Variants in EMP2 observed in about 807,000 individuals in gnomAD.
The protein encoded by EMP2 is epithelial membrane protein 2.
EMP2 carries 19 observed loss-of-function variants against 13.7 expected under a neutral mutation model. The ratio of observed to expected loss-of-function variants is 1.38; its 90% CI spans 0.97 to 2.03. The LOEUF is 2.03. EMP2 is among the 30% of genes most tolerant of loss of function. The pLI is 0.00. For missense variants in EMP2, 253 were observed against 220.7 expected, an observed-to-expected ratio of 1.15 and a Z score of -0.93; for synonymous variants, 97 against 84.7, an observed-to-expected ratio of 1.15 and a Z score of -0.80.
intron 1 of EMP2, among the ~76,000 whole-genome samples, chr16:10,578,385 A>G (rs777035064): frequency 2.0e-4 from 31 of 152,238 alleles, no homozygotes; most frequent in Non-Finnish European, 3.5e-4. Flanking sequence ...CGTTCCAGGA[A>G]GAAAGGATTT....
In EMP2 at chr16:10,547,596, T is replaced by C. The variant is rs780528035; in HGVS notation, c.22A>G (p.Ile8Val). The C allele has an allele frequency of 1.8e-5, 29 of 1,613,924 alleles. No homozygotes were observed. Among genetic ancestry groups the C allele is most frequent in the East Asian group, 8.9e-5 (4 of 44,878 alleles). Residue 8 changes from isoleucine to valine, a missense_variant, in exon 2 of 5, where the codon ATC (isoleucine) becomes GTC (valine). Coordinates refer to ENST00000359543, the MANE Select transcript of EMP2 (RefSeq NM_001424.6). MLVLLAF[I>V]IAFHITSAAL... is the part of the protein sequence containing the mutation. ...GCAGAGGTGATGTGGAAGGCGATGATGAAAGCAAGAAGCACCAACATTTTC... is the reference window on the plus strand; with the variant it reads ...GCAGAGGTGATGTGGAAGGCGATGACGAAAGCAAGAAGCACCAACATTTTC...
chr16:10,573,915 G>A (rs752358404), intron 1 of EMP2, among the ~76,000 whole-genome samples: 1 of 147,964 alleles, frequency 6.8e-6, no homozygotes, highest in East Asian at 2.0e-4. Context: ...TTCCATATGG[G>A]TACAATGGAT....
intron 1 of EMP2, among the ~76,000 whole-genome samples, chr16:10,569,393 C>G (rs542535865): frequency 3.5e-4 from 53 of 152,308 alleles, no homozygotes; most frequent in Admixed American, 2.7e-3. Flanking sequence ...AATGCAGTGG[C>G]ATGATCACAG....
chr16:10,548,237 T>C (rs1484050821), intron 1 of EMP2, among the ~76,000 whole-genome samples: 1 of 152,170 alleles, frequency 6.6e-6, no homozygotes, highest in Non-Finnish European at 1.5e-5. Flanking sequence ...TCACGTCTCT[T>C]GGGCAGGAAG....
chr16:10,546,136 A>G (rs1252928612), intron 2 of EMP2: 1 of 152,228 alleles, frequency 6.6e-6, no homozygotes, highest in Non-Finnish European at 1.5e-5. Context: ...ATGAGATGAC[A>G]TGCATAAAAG....
intron 1 of EMP2, among the ~76,000 whole-genome samples, chr16:10,562,621 C>G (rs2050880845): frequency 6.6e-6 from 1 of 152,104 alleles, no homozygotes; most frequent in Non-Finnish European, 1.5e-5. Flanking sequence ...TCTATAGAAT[C>G]ATGAACAAAA....
rs34979037 is a variant in EMP2 at position 10,537,760 on chromosome 16, CCACACA to C, written c.316+162_316+167del. ...CCACTGTGGTACAGCATGCATGCGC[CCACACA>C]CACACACACACACACGCAAACACAC... On this transcript the variant is annotated intron_variant, in intron 4 of 4. Transcript: ENST00000359543. Among the ~76,000 whole-genome samples the C allele has an allele frequency of 3.6e-3, 539 of 149,278 alleles. 8 individuals are homozygous for C. Among genetic ancestry groups the C allele is most frequent in the African/African-American group, 0.011 (437 of 40,684 alleles).
At chr16:10,574,583 G>T (rs2050969633) in intron 1 of EMP2, among the ~76,000 whole-genome samples, 1 of 151,618 alleles carries the variant, frequency 6.6e-6, no homozygotes, top group Non-Finnish European at 1.5e-5. Context: ...TTTTGAGATG[G>T]AGTCTCGCTC....
intron 3 of EMP2, among the ~76,000 whole-genome samples, chr16:10,540,463 G>T (rs962452620): frequency 4.0e-5 from 6 of 151,764 alleles, no homozygotes; most frequent in African/African-American, 1.5e-4. Context: ...CAGAGATTGC[G>T]CCACTGCACT....
At chr16:10,575,157 C>A (rs1344333695) in intron 1 of EMP2, among the ~76,000 whole-genome samples, 1 of 150,150 alleles carries the variant, frequency 6.7e-6, no homozygotes, top group Non-Finnish European at 1.5e-5. Flanking sequence ...ACACTACAGG[C>A]TTAAGGAAAC....
intron 1 of EMP2, among the ~76,000 whole-genome samples, chr16:10,564,836 A>G (rs2050896566): frequency 6.6e-6 from 1 of 152,156 alleles, no homozygotes; most frequent in African/African-American, 2.4e-5. Flanking sequence ...AGCAACGCTT[A>G]TGTCGACATT....
At position 10,532,332 on chromosome 16, in the gene EMP2, G is replaced by A. The variant is rs2047923; in HGVS notation, c.*573C>T. The A allele has an allele frequency of 0.11, 16,972 of 152,914 alleles. 1,081 individuals carry two copies. Among genetic ancestry groups the A allele is most frequent in the South Asian group, 0.29 (1,411 of 4,828 alleles). The allele number at this position is 152,914 out of a possible 1,614,324, so 9.5% of individuals were successfully genotyped here. On this transcript the variant is annotated 3_prime_UTR_variant, in exon 5 of 5. Coordinates refer to ENST00000359543, the MANE Select transcript of EMP2 (RefSeq NM_001424.6). ...GGTGAGACTTTTTCTGACCCACCCC[G>A]ATACCGGAGGGATGGCTGGGCTCTG...
intron 3 of EMP2, among the ~76,000 whole-genome samples, chr16:10,543,074 G>A (rs139806422): frequency 1.3e-5 from 2 of 152,190 alleles, no homozygotes; most frequent in Non-Finnish European, 1.5e-5. Flanking sequence ...TCAAACTCCT[G>A]ACCTCAAGTG....
Position 10,531,975 on chromosome 16 carries a change from C to T in EMP2, c.*930G>A, listed in dbSNP as rs1220258747. Reference sequence around the variant, plus strand: ...GGAGTTTTGGGGCCCTAGATGTAGACAGCTGTGGCGATGGAGGCCAAGGTT... The same window carrying T: ...GGAGTTTTGGGGCCCTAGATGTAGATAGCTGTGGCGATGGAGGCCAAGGTT... On this transcript the variant is annotated 3_prime_UTR_variant, in exon 5 of 5. Transcript: ENST00000359543. 1 of 154,790 alleles carries T rather than the reference C, an allele frequency of 6.5e-6. No homozygotes were observed. The highest frequency in any genetic ancestry group is 2.4e-5 in the African/African-American group (1 of 41,484). 9.6% of individuals were successfully genotyped at this position (154,790 alleles called of 1,614,324 possible).
chr16:10,532,619 G>C lies in EMP2; in HGVS notation c.*286C>G. On this transcript the variant is annotated 3_prime_UTR_variant, in exon 5 of 5. Coordinates refer to ENST00000359543, the MANE Select transcript of EMP2 (RefSeq NM_001424.6). ...TGTCCTGCCGAGTGCTTTTGGATTTGAGCATTGCTGGATTTTTGCTTGTGT... is the reference window on the plus strand; with the variant it reads ...TGTCCTGCCGAGTGCTTTTGGATTTCAGCATTGCTGGATTTTTGCTTGTGT... The C allele has an allele frequency of 5.0e-6, 1 of 199,756 alleles. No homozygotes were observed. 12.4% of individuals were successfully genotyped at this position (199,756 alleles called of 1,614,324 possible).
At chr16:10,534,818 T>A (rs894406671) in intron 4 of EMP2, among the ~76,000 whole-genome samples, 1 of 152,220 alleles carries the variant, frequency 6.6e-6, no homozygotes, top group African/African-American at 2.4e-5. Flanking sequence ...ACATTAGAGC[T>A]AAGATGAGCT....
intron 1 of EMP2, among the ~76,000 whole-genome samples, chr16:10,564,566 C>G (rs1467407209): frequency 2.0e-5 from 3 of 151,844 alleles, no homozygotes; most frequent in East Asian, 3.9e-4. Flanking sequence ...TATGTGGGCC[C>G]TACCTCCCAG....
intron 1 of EMP2, among the ~76,000 whole-genome samples, chr16:10,574,412 G>A (rs1246814801): frequency 1.3e-5 from 2 of 151,554 alleles, no homozygotes; most frequent in Non-Finnish European, 2.9e-5. Flanking sequence ...GATGTGGAAG[G>A]GAAGCCCACT....
In EMP2 at chr16:10,537,946, T is replaced by C. The variant is rs1452297350; in HGVS notation, c.298A>G (p.Ile100Val). The change falls in exon 4 of 5, where the codon ATC becomes GTC. Residue 100 changes from isoleucine (I) to valine (V), a missense_variant. By Grantham distance (29) the Ile-to-Val change is conservative. Coordinates refer to ENST00000359543, the MANE Select transcript of EMP2 (RefSeq NM_001424.6). ...KQGERFVLTS[I>V]IQLMSCLCVM... ...TACTTACATGACATTAGCTGGATGATGGAGGTTAGGACAAACCTCTCTCCC... is the reference window on the plus strand; with the variant it reads ...TACTTACATGACATTAGCTGGATGACGGAGGTTAGGACAAACCTCTCTCCC... 6.2e-7 allele frequency: 1 copy of C among 1,614,126 alleles called. No homozygotes were observed. Among genetic ancestry groups the C allele is most frequent in the Non-Finnish European group, 8.5e-7 (1 of 1,180,024 alleles).
Sources: allele counts gnomAD v4.1 joint callset (sites outside exome capture counted in the v4.1 genomes callset), GRCh38; gene constraint gnomAD v4.1.1; transcripts MANE v1.5; gene names NCBI Gene and HGNC (gene_info 2026-07-23, HGNC 2026-07-21).